The following LRRCC1 variants were observed in gnomAD, a reference collection of about 807,000 sequenced individuals.
The protein encoded by LRRCC1 is leucine-rich repeat and coiled-coil domain-containing protein 1.
LRRCC1 carries 115 observed loss-of-function variants against 126.0 expected under a neutral mutation model. The observed-to-expected ratio is 0.91, with a 90% confidence interval of 0.78 to 1.07. The LOEUF (loss-of-function observed/expected upper bound fraction) is 1.07, where lower values mean the gene tolerates loss of function less well. Ranked by LOEUF, LRRCC1 falls within the 50% of genes least tolerant of loss-of-function variation. The probability of loss-of-function intolerance (pLI) is 0.00; values close to 1 mark genes in which losing one functional copy is unlikely to be tolerated. For synonymous variants in LRRCC1, 400 were observed against 393.4 expected (o/e 1.02, Z -0.20); for missense variants, 1,172 against 1,175.7 (o/e 1.00, Z 0.05).
intron 6 of LRRCC1, among the ~76,000 whole-genome samples, chr8:85,116,245 C>A (rs1354830571): frequency 2.0e-5 from 3 of 152,190 alleles, no homozygotes; most frequent in Non-Finnish European, 4.4e-5. Flanking sequence ...CCACTACTAT[C>A]TGACTGCAAT....
chr8:85,110,893 T>A (rs1301229343), intron 3 of LRRCC1, among the ~76,000 whole-genome samples: 1 of 152,204 alleles, frequency 6.6e-6, no homozygotes, highest in Non-Finnish European at 1.5e-5. Flanking sequence ...ATCTTCATAA[T>A]CCTTATCAAT....
chr8:85,107,423 A>C, intron 1 of LRRCC1, 24 bp downstream of exon 1: 1 of 1,587,804 alleles, frequency 6.3e-7, no homozygotes, highest in Non-Finnish European at 8.6e-7. Flanking sequence ...CGCAGCCAGG[A>C]GCGACCCGCG....
At chr8:85,130,089 G>T in intron 11 of LRRCC1, 31 bp downstream of exon 11, 1 of 1,486,602 alleles carries the variant, frequency 6.7e-7, no homozygotes, top group South Asian at 1.4e-5. Flanking sequence ...GAATGTATTG[G>T]CATTTAAAAA....
chr8:85,123,533 T>A lies in LRRCC1; in HGVS notation c.1051T>A (p.Ser351Thr). 1 of 1,610,956 alleles carries A rather than the reference T, an allele frequency of 6.2e-7. No individual in the cohort carries two copies. Residue 351 changes from serine to threonine, a missense_variant, in exon 7 of 19, where the codon TCA becomes ACA. Transcript: ENST00000360375. ...KECNRKVPRR[S>T]KIPYDAKTIQ... ...ATGCAATAGAAAAGTTCCTCGAAGA[T>A]CAAAAATCCCTTATGATGCCAAAAC...
Position 85,138,437 on chromosome 8 carries a change from A to G in LRRCC1, c.2802A>G (p.Lys934=). Residue 934 remains lysine (K), a synonymous_variant, in exon 17 of 19, where the codon AAA becomes AAG. Transcript: ENST00000360375. ...VKEKFENKEK[K]LKAERDKSIE... is the part of the protein sequence containing the mutation. ...AAAAATTTGAAAACAAGGAAAAGAA[A>G]CTTAAAGCGGAAAGAGACAAAAGTA... is the stretch of plus-strand genomic sequence containing the variant. The G allele has an allele frequency of 6.2e-7, 1 of 1,612,714 alleles. No individual in the cohort carries two copies. Among genetic ancestry groups the G allele is most frequent in the Non-Finnish European group, 8.5e-7 (1 of 1,179,620 alleles).
intron 1 of LRRCC1, among the ~76,000 whole-genome samples, chr8:85,108,465 A>T (rs144545638): frequency 2.8e-3 from 421 of 152,332 alleles, no homozygotes; most frequent in African/African-American, 9.5e-3. Flanking sequence ...TGAAGAATTA[A>T]GTTCGGATTC....
At position 85,135,844 on chromosome 8, in the gene LRRCC1, A is replaced by G. The variant is rs755700205; in HGVS notation, c.2210A>G (p.Gln737Arg). ...GAAGATGACAAGCAGAAGAGTATTC[A>G]AATAGAACTTCTCAAGCACGAAAAA... is the stretch of plus-strand genomic sequence containing the variant. ...LIEDDKQKSIQIELLKHEKVQ... is the reference protein window; with the variant it reads ...LIEDDKQKSIRIELLKHEKVQ... The change falls in exon 14 of 19, where the codon CAA becomes CGA. Residue 737 changes from glutamine to arginine, a missense_variant. Gln to Arg is a conservative substitution (Grantham distance 43). Coordinates refer to ENST00000360375, the MANE Select transcript of LRRCC1 (RefSeq NM_033402.5). The G allele has an allele frequency of 6.2e-7, 1 of 1,603,972 alleles. No homozygotes were observed. The highest frequency in any genetic ancestry group is 1.1e-5 in the South Asian group (1 of 89,480).
At chr8:85,108,491 C>G (rs1808440750) in intron 1 of LRRCC1, among the ~76,000 whole-genome samples, 1 of 152,188 alleles carries the variant, frequency 6.6e-6, no homozygotes, top group Non-Finnish European at 1.5e-5. Flanking sequence ...CATTTTCCGT[C>G]TAATTTCACT....
At chr8:85,121,752 C>T (rs578233648) in intron 6 of LRRCC1, among the ~76,000 whole-genome samples, 5 of 152,212 alleles carry the variant, frequency 3.3e-5, no homozygotes, top group Admixed American at 2.0e-4. Context: ...TTTTTAGTCA[C>T]AATTCTCTAG....
intron 4 of LRRCC1, among the ~76,000 whole-genome samples, chr8:85,113,472 T>G: frequency 6.6e-6 from 1 of 152,134 alleles, no homozygotes; most frequent in East Asian, 1.9e-4. Context: ...AAAAGCAGGT[T>G]GCAAAGTACT....
chr8:85,145,606 T>G lies in LRRCC1; in HGVS notation c.*95T>G. 2.0e-6 allele frequency: 2 copies of G among 1,001,880 alleles called. No homozygotes were observed. Among genetic ancestry groups the G allele is most frequent in the Non-Finnish European group, 2.9e-6 (2 of 700,932 alleles). 62.1% of individuals were successfully genotyped at this position (1,001,880 alleles called of 1,614,324 possible). A position where few individuals can be genotyped will look rare whatever the true frequency, so the allele number is the denominator to read the frequency against. On this transcript the variant is annotated 3_prime_UTR_variant, in exon 19 of 19. Coordinates refer to ENST00000360375, the MANE Select transcript of LRRCC1 (RefSeq NM_033402.5). ...AGTAGTAACTGCTATGACTTTGAAA[T>G]GTCTCTTTCTATACATTTCATTATG...
rs1176661040 is a variant in LRRCC1 at position 85,107,343 on chromosome 8, C to T, written c.48C>T (p.Asn16=). The T allele has an allele frequency of 6.2e-7, 1 of 1,613,742 alleles. No homozygotes were observed. Among genetic ancestry groups the T allele is most frequent in the Non-Finnish European group, 8.5e-7 (1 of 1,179,774 alleles). Residue 16 remains asparagine (N), a synonymous_variant, in exon 1 of 19, where the codon AAC becomes AAT. Transcript: ENST00000360375. ...TGGCGGCAGAGGCGGAAGTGGAAAA[C>T]GAAGACGGCGACAGCAGCTGCGGGG... is the stretch of plus-strand genomic sequence containing the variant. ...AVVAAEAEVE[N]EDGDSSCGDV...
intron 18 of LRRCC1, among the ~76,000 whole-genome samples, chr8:85,144,233 A>T (rs1811462779): frequency 6.6e-6 from 1 of 151,976 alleles, no homozygotes; most frequent in Non-Finnish European, 1.5e-5. Flanking sequence ...TTTCAGTTTT[A>T]AAAATCTATA....
intron 11 of LRRCC1, among the ~76,000 whole-genome samples, chr8:85,131,549 C>G (rs377767147): frequency 6.6e-6 from 1 of 152,200 alleles, no homozygotes; most frequent in Non-Finnish European, 1.5e-5. Flanking sequence ...ATTTGACATA[C>G]TTCCCTTATC....
chr8:85,107,377 T>A lies in LRRCC1; in HGVS notation c.82T>A (p.Phe28Ile), dbSNP rs1315363546. The A allele has an allele frequency of 3.1e-6, 5 of 1,613,600 alleles. No homozygotes were observed. The highest frequency in any genetic ancestry group is 1.7e-5 in the Admixed American group (1 of 59,996). The change falls in exon 1 of 19, where the codon TTC becomes ATC. Residue 28 changes from phenylalanine to isoleucine, a missense_variant. Physicochemically the swap from Phe to Ile is conservative, Grantham distance 21 (BLOSUM62 0). Transcript: ENST00000360375. ...CGACAGCAGCTGCGGGGATGTATGC[T>A]TCATGGACAAAGGCTTGCAGAGGTA... ...DGDSSCGDVCFMDKGLQSISE... is the reference protein window; with the variant it reads ...DGDSSCGDVCIMDKGLQSISE...
chr8:85,145,280 C>A (rs1448005970), intron 18 of LRRCC1, 109 bp from the exon 19 acceptor site: 2 of 836,970 alleles, frequency 2.4e-6, no homozygotes, highest in Non-Finnish European at 3.5e-6. Flanking sequence ...AAATACATCA[C>A]AAATTTCAAA....
rs772964315 is a variant in LRRCC1, at chr8:85,113,072, G to T, written c.517G>T (p.Asp173Tyr). The T allele has an allele frequency of 1.2e-6, 2 of 1,612,130 alleles. No homozygotes were observed. The highest frequency in any genetic ancestry group is 4.5e-5 in the East Asian group (2 of 44,834). ...LTNLILEKDGDDNPVCRLPGY... is the reference protein window; with the variant it reads ...LTNLILEKDGYDNPVCRLPGY... ...CAATCTTATTTTGGAGAAAGATGGAGACGATAATCCTGTCTGTCGACTGCC... is the reference window on the plus strand; with the variant it reads ...CAATCTTATTTTGGAGAAAGATGGATACGATAATCCTGTCTGTCGACTGCC... Residue 173 changes from aspartate (D) to tyrosine (Y), a missense_variant, in exon 4 of 19, where the codon GAC becomes TAC. Physicochemically the swap from Asp to Tyr is radical, Grantham distance 160 (BLOSUM62 -3). Transcript: ENST00000360375.
At chr8:85,138,679 A>T (rs1253083419) in intron 17 of LRRCC1, among the ~76,000 whole-genome samples, 2 of 152,212 alleles carry the variant, frequency 1.3e-5, no homozygotes, top group Non-Finnish European at 2.9e-5. Flanking sequence ...TTTGATATAT[A>T]TGTGTGTATT....
chr8:85,107,300 AGGC>A lies in LRRCC1; in HGVS notation c.17_19del (p.Ala6del), dbSNP rs762841704. 4.3e-6 allele frequency: 7 copies of A among 1,611,568 alleles called. No individual in the cohort carries two copies. The highest frequency in any genetic ancestry group is 2.2e-5 in the East Asian group (1 of 44,802). On this transcript the variant is annotated inframe_deletion, in exon 1 of 19. Coordinates refer to ENST00000360375, the MANE Select transcript of LRRCC1 (RefSeq NM_033402.5). ...CCGCTCCCCGTCGCCAGTGCTATGG[AGGC>A]GGCGGCGGCGGTGGTGGCGGCAGAG...
Sources: allele counts gnomAD v4.1 joint callset (sites outside exome capture counted in the v4.1 genomes callset), GRCh38; gene constraint gnomAD v4.1.1; transcripts MANE v1.5; gene names NCBI Gene and HGNC (gene_info 2026-07-23, HGNC 2026-07-21).